CPNE3: variants seen among roughly 807,000 people sequenced by gnomAD.
CPNE3 encodes copine-3.
A neutral mutation model predicts 63.9 loss-of-function variants in CPNE3; 68 were observed. The observed-to-expected ratio is 1.06, with a 90% CI of 0.87 to 1.30. The LOEUF (loss-of-function observed/expected upper bound fraction) is 1.30, where lower values mean the gene tolerates loss of function less well. Among genes scored for constraint, CPNE3 ranks in the 50% most tolerant of loss-of-function variants. CPNE3 has a pLI of 0.00. For synonymous variants in CPNE3, 219 were observed against 197.5 expected, an observed-to-expected ratio of 1.11 and a Z score of -0.91; for missense variants, 665 against 578.1, an observed-to-expected ratio of 1.15 and a Z score of -1.54.
intron 10 of CPNE3, among the ~76,000 whole-genome samples, chr8:86,546,889 T>G (rs1420605490): frequency 6.6e-6 from 1 of 152,124 alleles, no homozygotes; most frequent in Non-Finnish European, 1.5e-5. Context: ...TTTTGTATTT[T>G]TAGTGGAGAC....
Position 86,531,161 on chromosome 8 carries a change from T to C in CPNE3, c.319T>C (p.Ser107Pro), listed in dbSNP as rs182868985. 8 of 1,200,916 alleles carry C rather than the reference T, an allele frequency of 6.7e-6. No individual in the cohort carries two copies. In the Admixed American group the frequency reaches 1.2e-4, roughly 18 times the overall value. The allele number at this position is 1,200,916 out of a possible 1,614,324, so 74.4% of individuals were successfully genotyped here. A position where few individuals can be genotyped will look rare whatever the true frequency, so the allele number is the denominator to read the frequency against. ...CACTTTCTAATTCTAACAGATTGTTTCCAGCAAGAAGCTAACTCGACCACT... is the reference window on the plus strand; with the variant it reads ...CACTTTCTAATTCTAACAGATTGTTCCCAGCAAGAAGCTAACTCGACCACT... ...ECECTLGQIV[S>P]SKKLTRPLVM... The change falls in exon 5 of 17, where the codon TCC (serine) becomes CCC (proline). Residue 107 changes from serine to proline, a missense_variant. Transcript: ENST00000517490.
At chr8:86,526,198 A>C (rs1223564692) in intron 2 of CPNE3, among the ~76,000 whole-genome samples, 1 of 151,966 alleles carries the variant, frequency 6.6e-6, no homozygotes, top group African/African-American at 2.4e-5. Flanking sequence ...ACTGCAGTAC[A>C]GCCTGGACGA....
At chr8:86,541,014 A>G (rs1361806928) in intron 8 of CPNE3, among the ~76,000 whole-genome samples, 23 of 152,220 alleles carry the variant, frequency 1.5e-4, no homozygotes, top group African/African-American at 5.5e-4. Flanking sequence ...AAACTTTTGT[A>G]CTAGAATTAT....
At chr8:86,520,662 C>CT (rs113992927) in intron 2 of CPNE3, among the ~76,000 whole-genome samples, 89,986 of 139,836 alleles carry the variant, frequency 0.64, 29,542 homozygotes, top group African/African-American at 0.71. Flanking sequence ...CCAGGCATTT[C>CT]TTTTTTTTTT....
At chr8:86,535,711 C>T (rs1296125847) in intron 6 of CPNE3, among the ~76,000 whole-genome samples, 2 of 152,084 alleles carry the variant, frequency 1.3e-5, no homozygotes, top group African/African-American at 4.8e-5. Context: ...ATTTTATATT[C>T]ATACCTCATT....
chr8:86,540,907 TA>T (rs1820921630), intron 8 of CPNE3, among the ~76,000 whole-genome samples: 1 of 152,130 alleles, frequency 6.6e-6, no homozygotes, highest in Non-Finnish European at 1.5e-5. Context: ...TTTTTATTCA[TA>T]GGCATTTATT....
intron 2 of CPNE3, among the ~76,000 whole-genome samples, chr8:86,526,444 A>G (rs1820541866): frequency 6.6e-6 from 1 of 152,096 alleles, no homozygotes; most frequent in Non-Finnish European, 1.5e-5. Flanking sequence ...TAAAATGATA[A>G]TAAAATGTGA....
intron 16 of CPNE3, among the ~76,000 whole-genome samples, chr8:86,557,737 GA>G (rs1262406421): frequency 6.6e-6 from 1 of 151,798 alleles, no homozygotes; most frequent in Non-Finnish European, 1.5e-5. Context: ...GAATTATACA[GA>G]AACAAACACA....
At chr8:86,528,423 C>T in intron 2 of CPNE3, 113 bp from the exon 3 acceptor site, 1 of 1,173,878 alleles carries the variant, frequency 8.5e-7, no homozygotes, top group East Asian at 2.4e-5. Context: ...CAAGTTCACT[C>T]TATAAGCCTA....
At chr8:86,551,417 G>T (rs998298987) in intron 14 of CPNE3, 183 bp downstream of exon 14, 13 of 580,468 alleles carry the variant, frequency 2.2e-5, no homozygotes. Context: ...CAGGTTGGTG[G>T]TTAGGGTGGT....
intron 7 of CPNE3, 93 bp from the exon 8 acceptor site, chr8:86,540,152 G>C (rs1285913264): frequency 5.2e-6 from 4 of 762,622 alleles, no homozygotes; most frequent in Admixed American, 1.9e-5. Flanking sequence ...AGGACGAATG[G>C]TGAGAGTATA....
intron 14 of CPNE3, among the ~76,000 whole-genome samples, chr8:86,554,466 C>T (rs1821266185): frequency 6.6e-6 from 1 of 152,180 alleles, no homozygotes; most frequent in African/African-American, 2.4e-5. Flanking sequence ...AATGATTTTT[C>T]ATTTTATTAA....
chr8:86,525,681 A>T (rs1820526828), intron 2 of CPNE3, among the ~76,000 whole-genome samples: 1 of 152,170 alleles, frequency 6.6e-6, no homozygotes, highest in Non-Finnish European at 1.5e-5. Context: ...TTGCTGTGAG[A>T]CTGACTTCAC....
intron 14 of CPNE3, among the ~76,000 whole-genome samples, chr8:86,554,645 G>A (rs565414841): frequency 3.6e-4 from 55 of 152,198 alleles, no homozygotes; most frequent in African/African-American, 1.3e-3. Context: ...CTTCTATTGG[G>A]GGAGGACAGA....
chr8:86,536,735 C>G (rs879822543), intron 6 of CPNE3, among the ~76,000 whole-genome samples: 11 of 152,162 alleles, frequency 7.2e-5, no homozygotes, highest in Admixed American at 7.2e-4. Context: ...CGAGTATGCA[C>G]ATTTCAAAAT....
chr8:86,556,236 C>T lies in CPNE3; in HGVS notation c.1389C>T (p.Ala463=), dbSNP rs539569018. 3.4e-6 allele frequency: 3 copies of T among 873,042 alleles called. No individual in the cohort carries two copies. The highest frequency in any genetic ancestry group is 4.8e-5 in the East Asian group (2 of 41,712). The allele number at this position is 873,042 out of a possible 1,614,324, so 54.1% of individuals were successfully genotyped here. A position where few individuals can be genotyped will look rare whatever the true frequency, so the allele number is the denominator to read the frequency against. ...GAGTTGGAGGTGCTGACTTCAGCGC[C>T]ATGGAGTTTCTGGATGGTGATGGTG... ...IVGVGGADFS[A]MEFLDGDGGS... is the part of the protein sequence containing the mutation. The change falls in exon 16 of 17, where the codon GCC becomes GCT. Residue 463 remains alanine, a synonymous_variant. Transcript: ENST00000517490.
chr8:86,530,414 C>T (rs1299935990), intron 4 of CPNE3, among the ~76,000 whole-genome samples: 1 of 152,168 alleles, frequency 6.6e-6, no homozygotes, highest in Non-Finnish European at 1.5e-5. Flanking sequence ...AAGCAATCCT[C>T]CCACCTCAGC....
At chr8:86,530,056 TAC>T (rs1283086916) in intron 4 of CPNE3, among the ~76,000 whole-genome samples, 1 of 152,060 alleles carries the variant, frequency 6.6e-6, no homozygotes, top group Non-Finnish European at 1.5e-5. Context: ...TTCAAACAGA[TAC>T]ATCAGATGTA....
chr8:86,518,290 C>T (rs1820358779), intron 2 of CPNE3, among the ~76,000 whole-genome samples: 7 of 152,158 alleles, frequency 4.6e-5, no homozygotes, highest in Admixed American at 4.6e-4. Flanking sequence ...GCTGGTTCAA[C>T]ATCTGGGAAA....
Sources: gnomAD v4.1 joint callset for allele counts (sites outside exome capture counted in the v4.1 genomes callset) on GRCh38, gnomAD v4.1.1 for gene constraint, MANE v1.5 for transcripts, NCBI Gene and HGNC (gene_info 2026-07-23, HGNC 2026-07-21) for gene names.